CCDC171: variants seen among roughly 807,000 people sequenced by gnomAD.
CCDC171 encodes coiled-coil domain containing 171.
A neutral mutation model predicts 168.2 loss-of-function variants in CCDC171; 177 were observed. The ratio of observed to expected loss-of-function variants is 1.05; its 90% CI spans 0.93 to 1.19. CCDC171 has a LOEUF of 1.19. CCDC171 is among the 50% of genes most tolerant of loss of function. The probability of loss-of-function intolerance (pLI) is 0.00; values close to 1 mark genes in which losing one functional copy is unlikely to be tolerated. For synonymous variants in CCDC171, 687 were observed against 540.8 expected, an observed-to-expected ratio of 1.27 and a Z score of -3.75; for missense variants, 1,991 against 1,539.0, an observed-to-expected ratio of 1.29 and a Z score of -4.91.
chr9:15,891,731 G>A (rs1334301550), intron 24 of CCDC171, among the ~76,000 whole-genome samples: 1 of 152,164 alleles, frequency 6.6e-6, no homozygotes, highest in African/African-American at 2.4e-5. Flanking sequence ...GAATAAGTAT[G>A]TATGGAACTC....
chr9:15,791,859 C>T (rs571218059), intron 21 of CCDC171, among the ~76,000 whole-genome samples: 1 of 152,248 alleles, frequency 6.6e-6, no homozygotes, highest in African/African-American at 2.4e-5. Context: ...GTAGATAAAA[C>T]CACAAAGATA....
chr9:15,669,540 C>G (rs1229073265), intron 9 of CCDC171, among the ~76,000 whole-genome samples: 1 of 151,924 alleles, frequency 6.6e-6, no homozygotes, highest in East Asian at 1.9e-4. Context: ...TATAGTTGCC[C>G]TGTTGTGCCA....
At chr9:15,785,489 C>G (rs1468063654) in intron 21 of CCDC171, among the ~76,000 whole-genome samples, 1 of 151,948 alleles carries the variant, frequency 6.6e-6, no homozygotes, top group Non-Finnish European at 1.5e-5. Flanking sequence ...ATAAAATAGC[C>G]AAAATTTATT....
At chr9:16,107,209 G>T in the CCDC171 span, among the ~76,000 whole-genome samples, 3 of 152,068 alleles carry the variant, frequency 2.0e-5, no homozygotes, top group Non-Finnish European at 4.4e-5. Flanking sequence ...GAGTGCGGTG[G>T]TATGATCATA....
chr9:15,607,906 G>A (rs2043342059), intron 6 of CCDC171, among the ~76,000 whole-genome samples: 1 of 152,142 alleles, frequency 6.6e-6, no homozygotes, highest in African/African-American at 2.4e-5. Flanking sequence ...GTTTATAACA[G>A]AATATATGAA....
chr9:15,831,621 T>G (rs544628213), intron 21 of CCDC171, among the ~76,000 whole-genome samples: 2 of 152,338 alleles, frequency 1.3e-5, no homozygotes, highest in East Asian at 3.9e-4. Flanking sequence ...GGATTGCATG[T>G]TAAGCACATG....
At chr9:15,603,263 T>G (rs1216967632) in intron 6 of CCDC171, among the ~76,000 whole-genome samples, 2 of 152,188 alleles carry the variant, frequency 1.3e-5, no homozygotes, top group African/African-American at 2.4e-5. Flanking sequence ...GGATTTATTT[T>G]AAGTTTTTGG....
At chr9:15,604,515 A>T (rs960964198) in intron 6 of CCDC171, among the ~76,000 whole-genome samples, 1 of 152,324 alleles carries the variant, frequency 6.6e-6, no homozygotes, top group African/African-American at 2.4e-5. Context: ...CAACCAGGGA[A>T]TACAGTTATC....
At chr9:15,581,925 A>G (rs1161295150) in intron 4 of CCDC171, among the ~76,000 whole-genome samples, 1 of 152,244 alleles carries the variant, frequency 6.6e-6, no homozygotes, top group African/African-American at 2.4e-5. Flanking sequence ...GCCAAAATAG[A>G]CAAATGGGAT....
chr9:15,695,117 A>G, intron 10 of CCDC171, 118 bp from the exon 11 acceptor site: 1 of 666,154 alleles, frequency 1.5e-6, no homozygotes, highest in Non-Finnish European at 2.7e-6. Flanking sequence ...TGGTTTATTA[A>G]TAATATATTT....
At chr9:15,914,649 A>T (rs1056284583) in intron 24 of CCDC171, among the ~76,000 whole-genome samples, 1 of 151,812 alleles carries the variant, frequency 6.6e-6, no homozygotes, top group Non-Finnish European at 1.5e-5. Context: ...TTTCCAGGGG[A>T]GTGAACAGTT....
chr9:16,088,265 C>T, the CCDC171 span, among the ~76,000 whole-genome samples: 2 of 152,186 alleles, frequency 1.3e-5, no homozygotes, highest in Non-Finnish European at 2.9e-5. Flanking sequence ...CAGCCAATAT[C>T]ATACTGAATG....
chr9:15,799,621 C>G (rs1440448129), intron 21 of CCDC171, among the ~76,000 whole-genome samples: 1 of 152,036 alleles, frequency 6.6e-6, no homozygotes, highest in Admixed American at 6.6e-5. Context: ...TGCGAACAAT[C>G]CAATTATACT....
At chr9:15,707,546 C>G (rs1472075372) in intron 11 of CCDC171, among the ~76,000 whole-genome samples, 2 of 152,206 alleles carry the variant, frequency 1.3e-5, no homozygotes, top group African/African-American at 4.8e-5. Flanking sequence ...TTGTTCTCTT[C>G]TCTTTGGATT....
intron 13 of CCDC171, 29 bp downstream of exon 13, chr9:15,723,775 G>A (rs747837195): frequency 1.8e-6 from 2 of 1,120,230 alleles, no homozygotes; most frequent in African/African-American, 1.6e-5. Context: ...TTTACCTTTT[G>A]TATTAAGAAA....
At position 15,776,785 on chromosome 9, in the gene CCDC171, T is replaced by G. The variant is rs138203858; in HGVS notation, c.2672-815T>G. 1.6e-3 allele frequency among the ~76,000 whole-genome samples: 238 copies of G among 152,334 alleles called. 2 individuals carry two copies. Among genetic ancestry groups the G allele is most frequent in the African/African-American group, 5.6e-3 (231 of 41,580 alleles). On this transcript the variant is annotated intron_variant, in intron 18 of 25. Coordinates refer to ENST00000380701, the MANE Select transcript of CCDC171 (RefSeq NM_173550.4). ...TTGGTAAGACTAGCTGAATTTGCTT[T>G]TTGTGCTTATGATGTAAAGACAAGA...
chr9:15,708,857 T>C (rs1365774698), intron 11 of CCDC171, among the ~76,000 whole-genome samples: 1 of 152,196 alleles, frequency 6.6e-6, no homozygotes, highest in East Asian at 1.9e-4. Flanking sequence ...GATATTGATC[T>C]TAGAGGGAGT....
chr9:16,079,991 A>ACCTT, the CCDC171 span, among the ~76,000 whole-genome samples: 1 of 152,124 alleles, frequency 6.6e-6, no homozygotes, highest in African/African-American at 2.4e-5. Context: ...AAAACCAGAA[A>ACCTT]CCTTCCATGC....
At chr9:15,871,757 T>G (rs1413816974) in intron 23 of CCDC171, among the ~76,000 whole-genome samples, 2 of 151,960 alleles carry the variant, frequency 1.3e-5, no homozygotes, top group African/African-American at 4.8e-5. Context: ...CAGACTTGCC[T>G]TCTGCATTCT....
Sources: gnomAD v4.1 joint callset for allele counts (sites outside exome capture counted in the v4.1 genomes callset) on GRCh38, gnomAD v4.1.1 for gene constraint, MANE v1.5 for transcripts, NCBI Gene and HGNC (gene_info 2026-07-23, HGNC 2026-07-21) for gene names.